The following DYNC1H1 variants were observed in gnomAD, a reference collection of about 807,000 sequenced individuals.
The protein encoded by DYNC1H1 is dynein cytoplasmic 1 heavy chain 1, also known as cytoplasmic dynein 1 heavy chain 1.
In DYNC1H1, 51 loss-of-function variants were observed where a neutral mutation model predicts 527.1. The observed-to-expected ratio is 0.10, with a 90% CI of 0.08 to 0.12. The LOEUF (loss-of-function observed/expected upper bound fraction) is 0.12, where lower values mean the gene tolerates loss of function less well. Ranked by LOEUF, DYNC1H1 falls within the 10% of genes least tolerant of loss-of-function variation. The pLI is 1.00. For synonymous variants in DYNC1H1, 2,189 were observed against 2,278.8 expected (o/e 0.96, Z 1.12); for missense variants, 2,771 against 5,971.8 (o/e 0.46, Z 17.66).
At chr14:102,031,607 A>G (rs1165954248) in intron 51 of DYNC1H1, among the ~76,000 whole-genome samples, 1 of 152,118 alleles carries the variant, frequency 6.6e-6, no homozygotes, top group East Asian at 1.9e-4. Context: ...GTCTGTTGAA[A>G]TTATATAAAA....
Position 102,041,940 on chromosome 14 carries a change from G to A in DYNC1H1, c.12103-73G>A, listed in dbSNP as rs899823956. On this transcript the variant is annotated intron_variant, in intron 65 of 77. Coordinates refer to ENST00000360184, the MANE Select transcript of DYNC1H1 (RefSeq NM_001376.5). This position sits in a 1 kb window ranked among gnomAD's most constrained non-coding sequence, Gnocchi z 4.5. ...AACATCTTCTCAGGCCCCTCACTCG[G>A]GGCTCTCCTTTCCCTTGACAGGTAC... 5 of 1,560,472 alleles carry A rather than the reference G, an allele frequency of 3.2e-6. No individual in the cohort carries two copies. The highest frequency in any genetic ancestry group is 1.7e-5 in the Admixed American group (1 of 57,638).
Position 102,044,955 on chromosome 14 carries a change from G to A in DYNC1H1, c.13006+257G>A. The A allele has an allele frequency of 1.8e-6, 1 of 552,464 alleles. No homozygotes were observed. The highest frequency in any genetic ancestry group is 3.1e-5 in the East Asian group (1 of 31,774). 34.2% of individuals were successfully genotyped at this position (552,464 alleles called of 1,614,324 possible). ...CAACTCAGTTCTAGAGAAAAGGCTT[G>A]ATATTTATGTAAATGAGCCTAGAAA... On this transcript the variant is annotated intron_variant, in intron 72 of 77. Coordinates refer to ENST00000360184, the MANE Select transcript of DYNC1H1 (RefSeq NM_001376.5). This position sits in a 1 kb window ranked among gnomAD's most constrained non-coding sequence, Gnocchi z 7.1.
At position 102,016,735 on chromosome 14, in the gene DYNC1H1, G is replaced by T; in HGVS notation, c.7615-31G>T. Reference sequence around the variant, plus strand: ...CTCGTGAGGAGGCACCTTGGTTGCAGCCGGACTCACACTTCCATCTCCGTG... The same window carrying T: ...CTCGTGAGGAGGCACCTTGGTTGCATCCGGACTCACACTTCCATCTCCGTG... On this transcript the variant is annotated intron_variant, in intron 37 of 77. Transcript: ENST00000360184. The surrounding 1 kb of genome is among the most constrained non-coding windows in gnomAD (Gnocchi z 7.3). The T allele has an allele frequency of 6.2e-7, 1 of 1,609,068 alleles. No homozygotes were observed. The highest frequency in any genetic ancestry group is 8.5e-7 in the Non-Finnish European group (1 of 1,177,920).
In DYNC1H1 at chr14:102,036,496, C is replaced by T. The variant is rs1319576480; in HGVS notation, c.10762C>T (p.Leu3588=). The T allele has an allele frequency of 1.2e-6, 2 of 1,613,846 alleles. No individual in the cohort carries two copies. Among genetic ancestry groups the T allele is most frequent in the Non-Finnish European group, 1.7e-6 (2 of 1,179,958 alleles). ...IMLKRFNRYP[L]IIDPSGQATE... is the part of the protein sequence containing the mutation. ...CTGTGGCCTCATCCTCAGGTATCCG[C>T]TGATCATTGACCCCTCTGGACAGGC... Residue 3588 remains leucine (L), a synonymous_variant, in exon 57 of 78, where the codon CTG becomes TTG. Transcript: ENST00000360184. The surrounding 1 kb of genome is among the most constrained non-coding windows in gnomAD (Gnocchi z 5.6).
At chr14:101,968,109 G>A (rs1761703791) in intron 1 of DYNC1H1, among the ~76,000 whole-genome samples, 1 of 152,002 alleles carries the variant, frequency 6.6e-6, no homozygotes, top group African/African-American at 2.4e-5. Flanking sequence ...CCATTTTTTG[G>A]TTGTGTATCT....
chr14:102,041,499 G>A lies in DYNC1H1; in HGVS notation c.11942-75G>A. The A allele has an allele frequency of 1.6e-5, 25 of 1,608,190 alleles. No individual in the cohort carries two copies. The highest frequency in any genetic ancestry group is 2.1e-5 in the Non-Finnish European group (25 of 1,177,100). On this transcript the variant is annotated intron_variant, in intron 64 of 77. Coordinates refer to ENST00000360184, the MANE Select transcript of DYNC1H1 (RefSeq NM_001376.5). This position sits in a 1 kb window ranked among gnomAD's most constrained non-coding sequence, Gnocchi z 4.5. The stretch of plus-strand genomic sequence containing the variant: ...ATTTGCTGAGTGGGTACTTTGGGAA[G>A]AACAGTCCAGGCAGGGGAGGGCGTC...
intron 11 of DYNC1H1, 43 bp downstream of exon 11, chr14:101,991,716 T>G: frequency 6.2e-7 from 1 of 1,612,870 alleles, no homozygotes; most frequent in Non-Finnish European, 8.5e-7. Context: ...TGACCAGGAC[T>G]CTCATGGGCT....
rs1373627476 is a variant in DYNC1H1, at chr14:102,002,223, G to A, written c.4543-314G>A. The stretch of plus-strand genomic sequence containing the variant: ...CCTCCCGGGTTGAAGTGATTCTCCC[G>A]CCTCAGCCTCCCAAGTAGCTGGGAT... On this transcript the variant is annotated intron_variant, in intron 21 of 77. Transcript: ENST00000360184. The surrounding 1 kb of genome is among the most constrained non-coding windows in gnomAD (Gnocchi z 4.4). 6.6e-6 allele frequency among the ~76,000 whole-genome samples: 1 copy of A among 151,076 alleles called. No individual in the cohort carries two copies. The highest frequency in any genetic ancestry group is 6.6e-5 in the Admixed American group (1 of 15,128).
rs1281751384 is a variant in DYNC1H1 at position 102,029,266 on chromosome 14, AT to A, written c.9469-270del. 4.0e-6 allele frequency: 2 copies of A among 495,808 alleles called. No homozygotes were observed. Among genetic ancestry groups the A allele is most frequent in the Non-Finnish European group, 7.3e-6 (2 of 272,624 alleles). The allele number at this position is 495,808 out of a possible 1,614,324, so 30.7% of individuals were successfully genotyped here. Reference sequence around the variant, plus strand: ...AGCTAACCTTTCTATAGTAACTGACATTTGTGATGCCTTTTCACATAAGTAC... The same window carrying A: ...AGCTAACCTTTCTATAGTAACTGACATTGTGATGCCTTTTCACATAAGTAC... On this transcript the variant is annotated intron_variant, in intron 48 of 77. Transcript: ENST00000360184. The surrounding 1 kb of genome is among the most constrained non-coding windows in gnomAD (Gnocchi z 5.3).
chr14:102,035,819 G>A (rs1259592724), intron 56 of DYNC1H1: 3 of 152,864 alleles, frequency 2.0e-5, no homozygotes, highest in Non-Finnish European at 2.9e-5. Context: ...CCTGGGCAAG[G>A]GACTTTGGTG....
intron 2 of DYNC1H1, among the ~76,000 whole-genome samples, chr14:101,977,354 G>C (rs1410468320): frequency 6.6e-6 from 1 of 152,146 alleles, no homozygotes; most frequent in Non-Finnish European, 1.5e-5. Flanking sequence ...TGCGTGAATA[G>C]TATATAGAAC....
rs565994232 is a variant in DYNC1H1 at position 102,054,485 on chromosome 14, G to T, written c.*3922G>T. ...GCAATGCACCTGAGAAGCAGTGGCAGGTGGCACAGCCCACCCCCAACCGCC... is the reference window on the plus strand; with the variant it reads ...GCAATGCACCTGAGAAGCAGTGGCATGTGGCACAGCCCACCCCCAACCGCC... On this transcript the variant is annotated 3_prime_UTR_variant, in exon 78 of 78. Coordinates refer to ENST00000360184, the MANE Select transcript of DYNC1H1 (RefSeq NM_001376.5). The T allele has an allele frequency of 2.6e-4, 40 of 152,230 alleles. 2 individuals carry two copies. Among genetic ancestry groups the T allele is most frequent in the African/African-American group, 9.6e-4 (40 of 41,508 alleles). 9.4% of individuals were successfully genotyped at this position (152,230 alleles called of 1,614,324 possible).
In DYNC1H1 at chr14:101,980,013, CTCTTT is replaced by C. The variant is rs751958373; in HGVS notation, c.774+40_774+44del. On this transcript the variant is annotated intron_variant, in intron 4 of 77. Transcript: ENST00000360184. ...ATTGAAAGTTATGTAAAATATGTTA[CTCTTT>C]AATATCTTTGGGAAAACTGATCTGG... 6 of 1,613,466 alleles carry C rather than the reference CTCTTT, an allele frequency of 3.7e-6. No individual in the cohort carries two copies. The African/African-American group carries it at 8.0e-5, about 22-fold the overall frequency.
rs113068967 is a variant in DYNC1H1, at chr14:102,044,957, T to C, written c.13006+259T>C. 4 of 549,930 alleles carry C rather than the reference T, an allele frequency of 7.3e-6. No homozygotes were observed. The highest frequency in any genetic ancestry group is 2.1e-5 in the South Asian group (1 of 48,568). The allele number at this position is 549,930 out of a possible 1,614,324, so 34.1% of individuals were successfully genotyped here. A position where few individuals can be genotyped will look rare whatever the true frequency, so the allele number is the denominator to read the frequency against. On this transcript the variant is annotated intron_variant, in intron 72 of 77. Transcript: ENST00000360184. The surrounding 1 kb of genome is among the most constrained non-coding windows in gnomAD (Gnocchi z 7.1). ...ACTCAGTTCTAGAGAAAAGGCTTGA[T>C]ATTTATGTAAATGAGCCTAGAAATA...
At chr14:102,048,407 G>C in intron 73 of DYNC1H1, 109 bp from the exon 74 acceptor site, 1 of 1,457,996 alleles carries the variant, frequency 6.9e-7, no homozygotes, top group Non-Finnish European at 9.4e-7. Flanking sequence ...ACCCTGGACA[G>C]TTCGGAAGCT....
chr14:102,047,620 C>CGTATGTGT lies in DYNC1H1; in HGVS notation c.13007-195_13007-194insATGTGTGT, dbSNP rs1555412486. On this transcript the variant is annotated intron_variant, in intron 72 of 77. Coordinates refer to ENST00000360184, the MANE Select transcript of DYNC1H1 (RefSeq NM_001376.5). ...ATATACACATATATGTATATATACA[C>CGTATGTGT]GTGTGTGTGTGTGTGTGTGTGTATA... is the stretch of plus-strand genomic sequence containing the variant. 1.1e-4 allele frequency: 37 copies of CGTATGTGT among 324,292 alleles called. 1 individual carries two copies. The highest frequency in any genetic ancestry group is 2.3e-4 in the African/African-American group (6 of 25,800). The allele number at this position is 324,292 out of a possible 1,614,324, so 20.1% of individuals were successfully genotyped here.
At position 102,015,322 on chromosome 14, in the gene DYNC1H1, C is replaced by T; in HGVS notation, c.7232C>T (p.Pro2411Leu). ...GATGAGGGGGAGGAGGCCGCTTCCC[C>T]CATGCTGCAGGTACGCCCAGGTGGG... ...KEDEGEEAASPMLQIQRDAAT... is the reference protein window; with the variant it reads ...KEDEGEEAASLMLQIQRDAAT... Residue 2411 changes from proline (P) to leucine (L), a missense_variant, in exon 35 of 78, where the codon CCC becomes CTC. Transcript: ENST00000360184. The surrounding 1 kb of genome is among the most constrained non-coding windows in gnomAD (Gnocchi z 6.9). 1 of 1,612,280 alleles carries T rather than the reference C, an allele frequency of 6.2e-7. No individual in the cohort carries two copies. Among genetic ancestry groups the T allele is most frequent in the South Asian group, 1.1e-5 (1 of 90,834 alleles).
intron 16 of DYNC1H1, among the ~76,000 whole-genome samples, chr14:101,998,742 G>A (rs1283014812): frequency 6.6e-6 from 1 of 152,132 alleles, no homozygotes; most frequent in East Asian, 1.9e-4. Flanking sequence ...CAGTGCTGCT[G>A]TTACTGCTAG....
In DYNC1H1 at chr14:102,044,251, G is replaced by A. The variant is rs373301190; in HGVS notation, c.12685-23G>A. The A allele has an allele frequency of 1.3e-4, 208 of 1,613,092 alleles. No homozygotes were observed. Among genetic ancestry groups the A allele is most frequent in the Admixed American group, 3.0e-4 (18 of 59,980 alleles). ...CCTGCCCGCCTCTGACCACACACAC[G>A]AACCCTGCTTTTCCTCCCCCAGGGC... On this transcript the variant is annotated intron_variant, in intron 70 of 77. Transcript: ENST00000360184. The surrounding 1 kb of genome is among the most constrained non-coding windows in gnomAD (Gnocchi z 7.1).
Sources: allele counts gnomAD v4.1 joint callset (sites outside exome capture counted in the v4.1 genomes callset), GRCh38; gene constraint gnomAD v4.1.1; non-coding constraint Gnocchi (gnomAD v3.1); transcripts MANE v1.5; gene names NCBI Gene and HGNC (gene_info 2026-07-23, HGNC 2026-07-21).